Variants in KMT2C observed in about 807,000 individuals in gnomAD.
The protein encoded by KMT2C is lysine methyltransferase 2C, also known as histone-lysine N-methyltransferase 2C.
In KMT2C, 88 loss-of-function variants were observed where a neutral mutation model predicts 507.9. The observed-to-expected ratio is 0.17, with a 90% CI of 0.15 to 0.21. The LOEUF is 0.21. KMT2C is among the 10% of genes least tolerant of loss of function. The pLI, the probability that KMT2C is intolerant of heterozygous loss-of-function variation, is 1.00. For missense variants in KMT2C, 4,954 were observed against 5,957.8 expected (o/e 0.83, Z 5.55); for synonymous variants, 2,049 against 2,080.8 (o/e 0.98, Z 0.42).
chr7:152,373,732 A>G (rs2097307878), intron 1 of KMT2C, among the ~76,000 whole-genome samples: 1 of 152,182 alleles, frequency 6.6e-6, no homozygotes, highest in African/African-American at 2.4e-5. Context: ...TAACTTTTCT[A>G]TACAGCATAC....
chr7:152,312,023 G>A (rs1047836978), intron 4 of KMT2C, 77 bp from the exon 5 acceptor site: 4 of 1,120,286 alleles, frequency 3.6e-6, no homozygotes, highest in Admixed American at 2.4e-5. Flanking sequence ...TAAATGCAAT[G>A]TACTGCCAAA....
In KMT2C at chr7:152,410,482, G is replaced by A. The variant is rs557929814; in HGVS notation, c.161+25144C>T. On this transcript the variant is annotated intron_variant, in intron 1 of 58. Coordinates refer to ENST00000262189, the MANE Select transcript of KMT2C (RefSeq NM_170606.3). ...AATCCCAGCTACTCAGGAGGCTGAGGCAGCAGAATCGCTTGAACCTGGGAG... is the reference window on the plus strand; with the variant it reads ...AATCCCAGCTACTCAGGAGGCTGAGACAGCAGAATCGCTTGAACCTGGGAG... Among the ~76,000 whole-genome samples the A allele has an allele frequency of 3.2e-4, 49 of 152,184 alleles. No homozygotes were observed. The South Asian group carries it at 9.7e-3, about 30-fold the overall frequency.
intron 1 of KMT2C, among the ~76,000 whole-genome samples, chr7:152,391,639 C>A (rs186072339): frequency 9.2e-5 from 14 of 151,396 alleles, no homozygotes; most frequent in African/African-American, 3.4e-4. Flanking sequence ...CAGGTTCAAG[C>A]AATTCTCCTA....
chr7:152,384,069 C>A (rs2360211), intron 1 of KMT2C, among the ~76,000 whole-genome samples: 1 of 145,304 alleles, frequency 6.9e-6, no homozygotes, highest in African/African-American at 2.7e-5. Context: ...TGTGTGTAGG[C>A]GCGTGTGCAT....
intron 46 of KMT2C, 73 bp downstream of exon 46, chr7:152,155,837 G>T: frequency 7.2e-7 from 1 of 1,396,066 alleles, no homozygotes; most frequent in Non-Finnish European, 9.8e-7. Context: ...AAGACATTAT[G>T]CCACATACAT....
rs1408131343 is a variant in KMT2C, at chr7:152,181,141, C to T, written c.6719G>A (p.Arg2240Lys). The T allele has an allele frequency of 6.2e-7, 1 of 1,614,142 alleles. No individual in the cohort carries two copies. The highest frequency in any genetic ancestry group is 1.7e-5 in the Admixed American group (1 of 60,028). Reference sequence around the variant, plus strand: ...ATCCTGATTTGGCATGAGGACTGGTCTTGTCATTGAGGACCTAGTAAAACC... The same window carrying T: ...ATCCTGATTTGGCATGAGGACTGGTTTTGTCATTGAGGACCTAGTAAAACC... Reference protein sequence around the residue: ...SEGFTRSSMTRPVLMPNQDPF... With the variant: ...SEGFTRSSMTKPVLMPNQDPF... The change falls in exon 36 of 59, where the codon AGA becomes AAA. Residue 2240 changes from arginine (R) to lysine (K), a missense_variant. Around this residue, in one of 29 missense-constraint regions of KMT2C, gnomAD observed 1,689 missense variants for 1,654.3 expected, o/e 1.02. Transcript: ENST00000262189.
rs2092919020 is a variant in KMT2C, at chr7:152,170,568, T to TCAC, written c.9453+695_9453+696insGTG. Among the ~76,000 whole-genome samples the TCAC allele has an allele frequency of 2.0e-5, 3 of 152,224 alleles. No homozygotes were observed. In the South Asian group the frequency reaches 6.2e-4, roughly 32 times the overall value. ...CCCAAGCTGGAGTGCAGTGGCGTGATCTCGGCTCACTGCAACCTCTGCCTC... is the reference window on the plus strand; with the variant it reads ...CCCAAGCTGGAGTGCAGTGGCGTGATCACCTCGGCTCACTGCAACCTCTGCCTC... On this transcript the variant is annotated intron_variant, in intron 40 of 58. Coordinates refer to ENST00000262189, the MANE Select transcript of KMT2C (RefSeq NM_170606.3).
intron 1 of KMT2C, among the ~76,000 whole-genome samples, chr7:152,384,933 T>C (rs2097409756): frequency 1.3e-5 from 2 of 152,270 alleles, no homozygotes; most frequent in Non-Finnish European, 2.9e-5. Context: ...AACATTATCA[T>C]TTTACAACTC....
chr7:152,303,600 T>A (rs996374503), intron 6 of KMT2C, among the ~76,000 whole-genome samples: 1 of 152,222 alleles, frequency 6.6e-6, no homozygotes, highest in Non-Finnish European at 1.5e-5. Context: ...ACAGCCATGG[T>A]GGGAAAAATC....
At chr7:152,249,672 C>CAAAAAAAAAAAA (rs2095531246) in intron 13 of KMT2C, among the ~76,000 whole-genome samples, 1 of 75,976 alleles carries the variant, frequency 1.3e-5, no homozygotes, top group Admixed American at 1.3e-4. Context: ...CCTCCCCCCT[C>CAAAAAAAAAAAA]CAAAAAAAAA....
At chr7:152,358,304 C>T (rs934939777) in intron 2 of KMT2C, among the ~76,000 whole-genome samples, 1 of 152,002 alleles carries the variant, frequency 6.6e-6, no homozygotes, top group Non-Finnish European at 1.5e-5. Flanking sequence ...ATTATACTAA[C>T]AGCCTGGATT....
At position 152,392,849 on chromosome 7, in the gene KMT2C, G is replaced by C. The variant is rs1219343581; in HGVS notation, c.162-34174C>G. The stretch of plus-strand genomic sequence containing the variant: ...TAATACAATATAAGTAAAATAAAAT[G>C]AGAATTCCTTGTTATATAATAAGCC... On this transcript the variant is annotated intron_variant, in intron 1 of 58. Coordinates refer to ENST00000262189, the MANE Select transcript of KMT2C (RefSeq NM_170606.3). Among the ~76,000 whole-genome samples, 3 of 152,214 alleles carry C rather than the reference G, an allele frequency of 2.0e-5. No homozygotes were observed. The South Asian group carries it at 6.2e-4, about 32-fold the overall frequency.
At chr7:152,241,141 G>A (rs971025372) in intron 14 of KMT2C, among the ~76,000 whole-genome samples, 5 of 152,100 alleles carry the variant, frequency 3.3e-5, no homozygotes, top group Non-Finnish European at 5.9e-5. Context: ...ATCAGAGCCC[G>A]ACTGACTCAG....
chr7:152,193,729 G>C (rs1422435709), intron 31 of KMT2C, among the ~76,000 whole-genome samples: 1 of 152,158 alleles, frequency 6.6e-6, no homozygotes. Context: ...AATGACTAGA[G>C]TGGAGTGAGC....
In KMT2C at chr7:152,163,198, C is replaced by T. The variant is rs140810054; in HGVS notation, c.10379G>A (p.Cys3460Tyr). 6.2e-7 allele frequency: 1 copy of T among 1,614,192 alleles called. No individual in the cohort carries two copies. Among genetic ancestry groups the T allele is most frequent in the African/African-American group, 1.3e-5 (1 of 75,048 alleles). Reference sequence around the variant, plus strand: ...GGGTCCTAGAGGTTGCATAAAATCACAAGGTAAGTCGGAACTGTAGAAGGG... The same window carrying T: ...GGGTCCTAGAGGTTGCATAAAATCATAAGGTAAGTCGGAACTGTAGAAGGG... ...QIPFYSSDLP[C>Y]DFMQPLGPLQ... is the part of the protein sequence containing the mutation. Residue 3460 changes from cysteine (C) to tyrosine (Y), a missense_variant, in exon 43 of 59, where the codon TGT (cysteine) becomes TAT (tyrosine). Around this residue, in one of 29 missense-constraint regions of KMT2C, gnomAD observed 801 missense variants for 751.2 expected, o/e 1.07. Transcript: ENST00000262189.
chr7:152,177,659 G>C lies in KMT2C; in HGVS notation c.7794C>G (p.Asp2598Glu), dbSNP rs956060845. 1 of 1,614,146 alleles carries C rather than the reference G, an allele frequency of 6.2e-7. No homozygotes were observed. The highest frequency in any genetic ancestry group is 8.5e-7 in the Non-Finnish European group (1 of 1,180,024). The change falls in exon 38 of 59, where the codon GAC (aspartate) becomes GAG (glutamate). Residue 2598 changes from aspartate (D) to glutamate (E), a missense_variant. Transcript: ENST00000262189. The part of the protein sequence containing the change: ...LRHGNFIPRP[D>E]FPGPRHTDPM... Reference sequence around the variant, plus strand: ...GGTCTGTGTGTCTAGGGCCCGGAAAGTCTGGCCGGGGAATGAAGTTTCCAT... The same window carrying C: ...GGTCTGTGTGTCTAGGGCCCGGAAACTCTGGCCGGGGAATGAAGTTTCCAT...
rs995030226 is a variant in KMT2C at position 152,167,212 on chromosome 7, C to A, written c.9684G>T (p.Glu3228Asp). The A allele has an allele frequency of 6.2e-7, 1 of 1,614,012 alleles. No homozygotes were observed. Among genetic ancestry groups the A allele is most frequent in the African/African-American group, 1.3e-5 (1 of 74,908 alleles). Residue 3228 changes from glutamate (E) to aspartate (D), a missense_variant, in exon 42 of 59, where the codon GAG becomes GAT. Glu to Asp is a conservative substitution (Grantham distance 45). Around this residue, in one of 29 missense-constraint regions of KMT2C, gnomAD observed 71 missense variants for 139.2 expected, o/e 0.51. Transcript: ENST00000262189. ...TAKKAGREFP[E>D]EDAEQLKHVT... ...CATGCTTGAGTTGTTCTGCATCTTC[C>A]TCTGGAAATTCACGCCCAGCTTTCT...
At chr7:152,150,583 C>T (rs1263156902) in intron 51 of KMT2C, among the ~76,000 whole-genome samples, 2 of 152,106 alleles carry the variant, frequency 1.3e-5, no homozygotes, top group African/African-American at 4.8e-5. Flanking sequence ...CAATGCCCTT[C>T]AGCCTGTGGG....
chr7:152,335,904 T>C (rs543657995), intron 2 of KMT2C, among the ~76,000 whole-genome samples: 18 of 150,148 alleles, frequency 1.2e-4, no homozygotes, highest in Non-Finnish European at 2.1e-4. Flanking sequence ...ATTCAGACTA[T>C]AGGGTTTTTT....
Sources: gnomAD v4.1 joint callset for allele counts (sites outside exome capture counted in the v4.1 genomes callset) on GRCh38, gnomAD v4.1.1 for gene constraint, gnomAD v4.1.1 regional missense constraint, MANE v1.5 for transcripts, NCBI Gene and HGNC (gene_info 2026-07-23, HGNC 2026-07-21) for gene names.